The following NUP93 variants were observed in gnomAD, a reference collection of about 807,000 sequenced individuals.
The protein encoded by NUP93 is nuclear pore complex protein Nup93.
A neutral mutation model predicts 107.8 loss-of-function variants in NUP93; 55 were observed. The observed-to-expected ratio is 0.51, with a 90% CI of 0.41 to 0.64. The LOEUF is 0.64. Among genes scored for constraint, NUP93 ranks in the 30% least tolerant of loss-of-function variants. The pLI, the probability that NUP93 is intolerant of heterozygous loss-of-function variation, is 0.00. For synonymous variants in NUP93, 390 were observed against 397.5 expected (o/e 0.98, Z 0.22); for missense variants, 937 against 1,044.7 (o/e 0.90, Z 1.42).
At chr16:56,783,397 A>G (rs1962555862) in intron 3 of NUP93, 1 of 852,960 alleles carries the variant, frequency 1.2e-6, no homozygotes, top group South Asian at 5.4e-5. Context: ...TCCTCTTGGC[A>G]TTGGAGTTCT....
chr16:56,745,004 G>A (rs977898283), intron 1 of NUP93, among the ~76,000 whole-genome samples: 1 of 152,226 alleles, frequency 6.6e-6, no homozygotes, highest in African/African-American at 2.4e-5. Flanking sequence ...GCCAGGCACT[G>A]TTGTAGAAGC....
chr16:56,830,823 A>ATAG (rs1187907292), intron 10 of NUP93, 138 bp downstream of exon 10: 4 of 719,440 alleles, frequency 5.6e-6, no homozygotes, highest in Non-Finnish European at 8.4e-6. Flanking sequence ...TTGAAAGCAA[A>ATAG]TAGAACTCTC....
intron 17 of NUP93, among the ~76,000 whole-genome samples, chr16:56,837,278 A>G (rs1485736836): frequency 6.6e-6 from 1 of 152,242 alleles, no homozygotes; most frequent in Non-Finnish European, 1.5e-5. Flanking sequence ...AAAAACAGCT[A>G]TAGGCCAAGT....
At chr16:56,841,891 C>T in intron 21 of NUP93, 58 bp downstream of exon 21, 1 of 1,598,826 alleles carries the variant, frequency 6.3e-7, no homozygotes, top group East Asian at 2.2e-5. Context: ...GGTTTGGAAT[C>T]CGTTGCGCTC....
rs186397780 is a variant in NUP93 at position 56,849,563 on chromosome 16, G to C, written c.*4954G>C. ...GGTGGCCTCAGCAGACCTGGCCTAG[G>C]CAGGCTTTCAGGTGGCACCCAGGGG... On this transcript the variant is annotated 3_prime_UTR_variant, in exon 22 of 22. Transcript: ENST00000308159. 4 of 152,380 alleles carry C rather than the reference G, an allele frequency of 2.6e-5. No individual in the cohort carries two copies. The highest frequency in any genetic ancestry group is 9.6e-5 in the African/African-American group (4 of 41,580). The allele number at this position is 152,380 out of a possible 1,614,324, so 9.4% of individuals were successfully genotyped here.
intron 3 of NUP93, among the ~76,000 whole-genome samples, chr16:56,769,422 G>A (rs1322004425): frequency 2.0e-5 from 3 of 152,144 alleles, no homozygotes; most frequent in African/African-American, 7.2e-5. Flanking sequence ...GCGGAGCGTT[G>A]GGAGGTGGTG....
rs368513947 is a variant in NUP93, at chr16:56,748,339, G to A, written c.92G>A (p.Arg31Gln). 3.4e-5 allele frequency: 55 copies of A among 1,613,890 alleles called. No homozygotes were observed. The highest frequency in any genetic ancestry group is 4.5e-5 in the East Asian group (2 of 44,896). ...ATCTCAGAGCTTCCCCATGTGGAAC[G>A]GAACTTACAGGAGATCCAGCAGGCG... ...EGISELPHVE[R>Q]NLQEIQQAGE... The change falls in exon 2 of 22, where the codon CGG becomes CAG. Residue 31 changes from arginine to glutamine, a missense_variant. Coordinates refer to ENST00000308159, the MANE Select transcript of NUP93 (RefSeq NM_014669.5).
chr16:56,848,284 C>A lies in NUP93; in HGVS notation c.*3675C>A, dbSNP rs1301219102. On this transcript the variant is annotated 3_prime_UTR_variant, in exon 22 of 22. Coordinates refer to ENST00000308159, the MANE Select transcript of NUP93 (RefSeq NM_014669.5). ...GTCTTGGCAGTCCCCACACTGACTG[C>A]GAACTCTCCCTTAGCCTCAGTCAGC... The A allele has an allele frequency of 6.6e-6, 1 of 152,200 alleles. No individual in the cohort carries two copies. Among genetic ancestry groups the A allele is most frequent in the Non-Finnish European group, 1.5e-5 (1 of 68,044 alleles). 9.4% of individuals were successfully genotyped at this position (152,200 alleles called of 1,614,324 possible).
chr16:56,818,567 C>A, intron 5 of NUP93, 97 bp from the exon 6 acceptor site: 1 of 968,368 alleles, frequency 1.0e-6, no homozygotes, highest in Non-Finnish European at 1.6e-6. Context: ...CTTTTCACAG[C>A]TCTGTTAAAG....
chr16:56,758,500 C>T, intron 2 of NUP93, 38 bp from the exon 3 acceptor site: 1 of 1,476,380 alleles, frequency 6.8e-7, no homozygotes, highest in Non-Finnish European at 9.5e-7. Flanking sequence ...CCTAATTTTC[C>T]CCTTACTTAT....
At chr16:56,787,175 A>G (rs1480278559) in intron 3 of NUP93, among the ~76,000 whole-genome samples, 1 of 152,242 alleles carries the variant, frequency 6.6e-6, no homozygotes, top group Admixed American at 6.5e-5. Context: ...TGTTTGTTTT[A>G]GTAGTCTCCA....
chr16:56,824,892 A>G (rs1963624888), intron 8 of NUP93, among the ~76,000 whole-genome samples: 1 of 152,230 alleles, frequency 6.6e-6, no homozygotes, highest in South Asian at 2.1e-4. Context: ...TAGTATAGGA[A>G]TAAAGGGTTT....
At chr16:56,829,362 G>A (rs1198758791) in intron 9 of NUP93, among the ~76,000 whole-genome samples, 1 of 152,238 alleles carries the variant, frequency 6.6e-6, no homozygotes, top group African/African-American at 2.4e-5. Context: ...TTTGAAAGCT[G>A]AGCCAATAGG....
intron 1 of NUP93, among the ~76,000 whole-genome samples, chr16:56,730,568 C>T (rs1327925738): frequency 1.3e-5 from 2 of 152,206 alleles, no homozygotes; most frequent in African/African-American, 4.8e-5. Context: ...CCACAACGCC[C>T]CGCCTGCTTA....
chr16:56,838,872 T>A (rs1455695582), intron 18 of NUP93, 80 bp from the exon 19 acceptor site: 2 of 968,708 alleles, frequency 2.1e-6, no homozygotes, highest in Non-Finnish European at 1.6e-6. Context: ...ACTGTTTTTT[T>A]AAATGCTATT....
chr16:56,807,708 T>C (rs1963173251), intron 5 of NUP93, among the ~76,000 whole-genome samples: 1 of 152,172 alleles, frequency 6.6e-6, no homozygotes, highest in Non-Finnish European at 1.5e-5. Context: ...TTTCCCTCTT[T>C]TTAAAATTTA....
intron 3 of NUP93, chr16:56,783,865 T>TG: frequency 1.0e-6 from 1 of 985,456 alleles, no homozygotes; most frequent in Non-Finnish European, 1.2e-6. Flanking sequence ...GGAATTCTTT[T>TG]GTCTACAGTA....
chr16:56,836,731 ACTTC>A lies in NUP93; in HGVS notation c.1899+19_1899+22del, dbSNP rs1403311456. On this transcript the variant is annotated intron_variant, in intron 17 of 21. Transcript: ENST00000308159. ...GACCTTGCCAAGGTAAAGTGTGCCCACTTCCTTCTTTTGCACTTCACAGGTCTGC... is the reference window on the plus strand; with the variant it reads ...GACCTTGCCAAGGTAAAGTGTGCCCACTTCTTTTGCACTTCACAGGTCTGC... 2 of 1,545,130 alleles carry A rather than the reference ACTTC, an allele frequency of 1.3e-6. No individual in the cohort carries two copies. Among genetic ancestry groups the A allele is most frequent in the African/African-American group, 1.4e-5 (1 of 73,530 alleles).
At chr16:56,756,686 T>TTTC (rs1962030330) in intron 2 of NUP93, among the ~76,000 whole-genome samples, 1 of 152,190 alleles carries the variant, frequency 6.6e-6, no homozygotes, top group Non-Finnish European at 1.5e-5. Context: ...GTCAATGGTA[T>TTTC]TTCTGTTTCT....
Sources: allele counts gnomAD v4.1 joint callset (sites outside exome capture counted in the v4.1 genomes callset), GRCh38; gene constraint gnomAD v4.1.1; transcripts MANE v1.5; gene names NCBI Gene and HGNC (gene_info 2026-07-23, HGNC 2026-07-21).